Variants in TENM1 observed in about 807,000 individuals in gnomAD.
TENM1 encodes teneurin-1.
Under a neutral mutation model 174.8 loss-of-function variants are expected in TENM1, and 35 were observed. The ratio of observed to expected loss-of-function variants is 0.20; its 90% CI spans 0.15 to 0.27. The LOEUF (loss-of-function observed/expected upper bound fraction) is 0.27. TENM1 is among the 10% of genes least tolerant of loss of function. The pLI is 1.00. For missense variants in TENM1, 1,633 were observed against 2,130.1 expected (o/e 0.77, Z 4.59); for synonymous variants, 781 against 798.7 (o/e 0.98, Z 0.37).
chrX:124,473,096 T>C (rs1490104441), intron 22 of TENM1, among the ~76,000 whole-genome samples: 1 of 111,974 alleles, frequency 8.9e-6, no homozygotes, highest in Admixed American at 9.5e-5. Context: ...AGAGAAACTG[T>C]ATTTAGAAGG....
the TENM1 span, among the ~76,000 whole-genome samples, chrX:125,190,087 G>T: frequency 9.0e-6 from 1 of 111,116 alleles, no homozygotes; most frequent in Non-Finnish European, 1.9e-5. Context: ...GAAAATAATC[G>T]TGTTAATAAA....
chrX:124,785,348 C>T (rs778130176), intron 3 of TENM1, among the ~76,000 whole-genome samples: 46 of 111,648 alleles, frequency 4.1e-4, no homozygotes, highest in African/African-American at 1.4e-3. Context: ...GTTATCCTTA[C>T]CCATGCTGTC....
intron 5 of TENM1, among the ~76,000 whole-genome samples, chrX:124,685,561 G>GTTTGTTTTTTTTTT (rs1361404893): frequency 1.1e-5 from 1 of 94,498 alleles, no homozygotes; most frequent in African/African-American, 4.0e-5. Flanking sequence ...AAGCAAATCT[G>GTTTGTTTTTTTTTT]TTTTTTTTTT....
chrX:124,840,707 CGTTAG>C (rs1198598576), intron 3 of TENM1, among the ~76,000 whole-genome samples: 1 of 111,729 alleles, frequency 9.0e-6, no homozygotes, highest in Admixed American at 9.5e-5. Flanking sequence ...GATCTGTTTT[CGTTAG>C]GTTAATCAGA....
chrX:125,128,439 A>G, the TENM1 span, among the ~76,000 whole-genome samples: 1 of 111,843 alleles, frequency 8.9e-6, no homozygotes, highest in African/African-American at 3.2e-5. Context: ...TGCTAATGCT[A>G]CACTAATAAC....
At chrX:124,703,818 T>C (rs2052832939) in intron 5 of TENM1, among the ~76,000 whole-genome samples, 1 of 112,077 alleles carries the variant, frequency 8.9e-6, no homozygotes, top group African/African-American at 3.2e-5. Flanking sequence ...AAGACACAGT[T>C]TTGATATTAT....
chrX:124,511,511 G>A (rs1234271210), intron 18 of TENM1, among the ~76,000 whole-genome samples: 4 of 111,066 alleles, frequency 3.6e-5, no homozygotes, highest in Non-Finnish European at 7.6e-5. Flanking sequence ...CTCAGGACTG[G>A]GAGACCTGAG....
intron 18 of TENM1, among the ~76,000 whole-genome samples, chrX:124,509,774 G>A (rs1331577397): frequency 9.9e-6 from 1 of 100,504 alleles, no homozygotes; most frequent in Non-Finnish European, 2.0e-5. Flanking sequence ...AGGCTGGAGT[G>A]CAGTGGTGTG....
the TENM1 span, among the ~76,000 whole-genome samples, chrX:125,005,978 C>G: frequency 9.0e-6 from 1 of 111,670 alleles, no homozygotes; most frequent in Admixed American, 9.5e-5. Context: ...GGAGTTTTCT[C>G]ATACTCCAGC....
intron 3 of TENM1, among the ~76,000 whole-genome samples, chrX:124,762,360 C>A (rs770900844): frequency 1.8e-5 from 2 of 112,691 alleles, no homozygotes; most frequent in African/African-American, 6.4e-5. Context: ...TTCTTCAACT[C>A]ATGTTTTAAA....
chrX:124,896,862 T>A (rs1022240868), intron 1 of TENM1, among the ~76,000 whole-genome samples: 1 of 111,963 alleles, frequency 8.9e-6, no homozygotes, highest in African/African-American at 3.2e-5. Flanking sequence ...AATTCATTTT[T>A]TTCCAATAAA....
chrX:124,957,414 T>A (rs1045884661), intron 1 of TENM1, among the ~76,000 whole-genome samples: 2 of 110,237 alleles, frequency 1.8e-5, no homozygotes, highest in African/African-American at 3.3e-5. Flanking sequence ...CGAAACTTCG[T>A]CCCTATTAAA....
At chrX:124,719,686 A>G (rs1401307462) in intron 4 of TENM1, among the ~76,000 whole-genome samples, 1 of 111,678 alleles carries the variant, frequency 9.0e-6, no homozygotes, top group African/African-American at 3.3e-5. Flanking sequence ...GTTCACTTTA[A>G]TTATTCAGGG....
At position 124,613,272 on chromosome X, in the gene TENM1, A is replaced by G. The variant is rs768646601; in HGVS notation, c.2077+28519T>C. ...AAACTTCCCCTGTTTTCCAGGCCTG[A>G]GGCATTATGAGGAAAAAATAGAAAT... On this transcript the variant is annotated intron_variant, in intron 11 of 31. Transcript: ENST00000422452. Among the ~76,000 whole-genome samples, 5 of 111,340 alleles carry G rather than the reference A, an allele frequency of 4.5e-5. No individual in the cohort carries two copies. The South Asian group carries it at 1.9e-3, about 43-fold the overall frequency.
intron 3 of TENM1, among the ~76,000 whole-genome samples, chrX:124,861,731 T>C (rs1347900905): frequency 8.9e-6 from 1 of 112,596 alleles, no homozygotes; most frequent in Non-Finnish European, 1.9e-5. Flanking sequence ...ATGTCTTATA[T>C]GAATCGACCT....
chrX:124,450,704 G>C (rs2061025928), intron 23 of TENM1, among the ~76,000 whole-genome samples: 1 of 111,576 alleles, frequency 9.0e-6, no homozygotes, highest in Middle Eastern at 4.6e-3. Context: ...CTCTGATTTT[G>C]GTTTAAGAAT....
At chrX:124,994,990 C>G in the TENM1 span, among the ~76,000 whole-genome samples, 29 of 110,969 alleles carry the variant, frequency 2.6e-4, 1 homozygote, top group Middle Eastern at 0.019. Context: ...ATGCCTGCAG[C>G]CTCACTTGTG....
At chrX:124,804,159 T>C (rs1192506822) in intron 3 of TENM1, among the ~76,000 whole-genome samples, 1 of 112,087 alleles carries the variant, frequency 8.9e-6, no homozygotes, top group Non-Finnish European at 1.9e-5. Flanking sequence ...TATGCAATTT[T>C]AAAGAGACCT....
At chrX:124,779,836 C>T (rs2054867604) in intron 3 of TENM1, among the ~76,000 whole-genome samples, 1 of 111,733 alleles carries the variant, frequency 8.9e-6, no homozygotes, top group Non-Finnish European at 1.9e-5. Flanking sequence ...TGATACTATT[C>T]TCATTTTACA....
Sources: allele counts gnomAD v4.1 joint callset (sites outside exome capture counted in the v4.1 genomes callset), GRCh38; gene constraint gnomAD v4.1.1; transcripts MANE v1.5; gene names NCBI Gene and HGNC (gene_info 2026-07-23, HGNC 2026-07-21).